Variants in RALGDS observed in about 807,000 individuals in gnomAD.
RALGDS encodes ral guanine nucleotide dissociation stimulator.
RALGDS carries 44 observed loss-of-function variants against 99.8 expected under a neutral mutation model. That is an observed-to-expected ratio of 0.44 (90% CI 0.35 to 0.57). The LOEUF (loss-of-function observed/expected upper bound fraction) is 0.57. Ranked by LOEUF, RALGDS falls within the 20% of genes least tolerant of loss-of-function variation. The pLI, the probability that RALGDS is intolerant of heterozygous loss-of-function variation, is 0.01. For synonymous variants in RALGDS, 529 were observed against 505.0 expected (o/e 1.05, Z -0.64); for missense variants, 1,022 against 1,203.1 (o/e 0.85, Z 2.23).
At position 133,107,249 on chromosome 9, in the gene RALGDS, G is replaced by A; in HGVS notation, c.1249C>T (p.Gln417Ter). The A allele has an allele frequency of 6.2e-7, 1 of 1,613,808 alleles. No homozygotes were observed. Among genetic ancestry groups the A allele is most frequent in the Non-Finnish European group, 8.5e-7 (1 of 1,180,022 alleles). Reference sequence around the variant, plus strand: ...TGCTCCTTGCCCTTCTTGTCCCGCTGGGACCAGATGGAGCCCAGGCAGTGG... The same window carrying A: ...TGCTCCTTGCCCTTCTTGTCCCGCTAGGACCAGATGGAGCCCAGGCAGTGG... The part of the protein sequence containing the change: ...PYHCLGSIWS[Q>*]RDKKGKEHLA... Residue 417 changes from glutamine (Q) to a stop codon, truncating the protein, a stop_gained, in exon 7 of 18, where the codon CAG becomes TAG. Transcript: ENST00000372050. LOFTEE classifies it high-confidence loss of function.
chr9:133,127,655 C>T (rs528612328), intron 1 of RALGDS, among the ~76,000 whole-genome samples: 13 of 152,218 alleles, frequency 8.5e-5, no homozygotes, highest in Non-Finnish European at 1.8e-4. Flanking sequence ...GCACAGCGGG[C>T]GGGCCTGGCT....
intron 1 of RALGDS, among the ~76,000 whole-genome samples, chr9:133,115,644 G>A (rs1205116182): frequency 6.6e-6 from 1 of 152,236 alleles, no homozygotes; most frequent in Non-Finnish European, 1.5e-5. Context: ...AACAGTGGGG[G>A]TCAAGAGAGA....
At chr9:133,134,544 C>G (rs752787132), upstream of RALGDS, among the ~76,000 whole-genome samples, 1 of 152,220 alleles carries the variant, frequency 6.6e-6, no homozygotes, top group Non-Finnish European at 1.5e-5. Context: ...AGTGCCAAGG[C>G]AGGGTGTAAG....
chr9:133,098,761 C>T lies in RALGDS; in HGVS notation c.2571G>A (p.Lys857=), dbSNP rs745365387. ...ELLQILSDDR[K]LKIPENANVF... ...CGTTGGCGTTTTCAGGGATCTTCAGCTCTGGTGGGGAGGGGCAGAGGGGTG... is the reference window on the plus strand; with the variant it reads ...CGTTGGCGTTTTCAGGGATCTTCAGTTCTGGTGGGGAGGGGCAGAGGGGTG... Residue 857 remains lysine, a splice_region_variant and synonymous_variant, in exon 18 of 18, where the codon AAG becomes AAA. Transcript: ENST00000372050. 9 of 1,613,910 alleles carry T rather than the reference C, an allele frequency of 5.6e-6. No individual in the cohort carries two copies. The highest frequency in any genetic ancestry group is 7.6e-6 in the Non-Finnish European group (9 of 1,179,950).
At chr9:133,103,162 G>A (rs1455890427) in intron 12 of RALGDS, 68 bp downstream of exon 12, 3 of 1,578,902 alleles carry the variant, frequency 1.9e-6, no homozygotes, top group African/African-American at 2.7e-5. Context: ...GGTAGGAGTT[G>A]AAATGTCCTA....
At position 133,101,515 on chromosome 9, in the gene RALGDS, C is replaced by T; in HGVS notation, c.2454+5G>A. 1 of 1,611,666 alleles carries T rather than the reference C, an allele frequency of 6.2e-7. No homozygotes were observed. The highest frequency in any genetic ancestry group is 8.5e-7 in the Non-Finnish European group (1 of 1,179,904). On this transcript the variant is annotated splice_donor_5th_base_variant and intron_variant, in intron 16 of 17. Transcript: ENST00000372050. Reference sequence around the variant, plus strand: ...GAGGCACCCAGGCCACCCCCGCCGGCTTACCAGGATGCTCTTGTACATGTT... The same window carrying T: ...GAGGCACCCAGGCCACCCCCGCCGGTTTACCAGGATGCTCTTGTACATGTT...
chr9:133,145,588 C>T (rs938956599), intron 1 of RALGDS, among the ~76,000 whole-genome samples: 4 of 152,254 alleles, frequency 2.6e-5, no homozygotes, highest in African/African-American at 9.6e-5. Flanking sequence ...AGACAAGGGG[C>T]ACTTCCAGGT....
In RALGDS at chr9:133,108,791, G is replaced by T. The variant is rs1408470551; in HGVS notation, c.660C>A (p.Cys220Ter). The change falls in exon 5 of 18, where the codon TGC becomes TGA. Residue 220 changes from cysteine to a stop codon, truncating the protein, a stop_gained. Coordinates refer to ENST00000372050, the MANE Select transcript of RALGDS (RefSeq NM_006266.4). LOFTEE classifies it high-confidence loss of function. ...GCACGTAGGCCACCAGCTGCTTGAG[G>T]CAGGGAAAGTCCGGAGGTTGACAGA... ...EDFCQPPDFP[C>*]LKQLVAYVQL... The T allele has an allele frequency of 6.2e-7, 1 of 1,613,576 alleles. No individual in the cohort carries two copies. Among genetic ancestry groups the T allele is most frequent in the Non-Finnish European group, 8.5e-7 (1 of 1,180,002 alleles).
intron 1 of RALGDS, among the ~76,000 whole-genome samples, chr9:133,142,726 T>C (rs1306946242): frequency 6.6e-6 from 1 of 152,208 alleles, no homozygotes; most frequent in Non-Finnish European, 1.5e-5. Context: ...AAGGCCTTCA[T>C]TAGAGCAGGG....
intron 1 of RALGDS, among the ~76,000 whole-genome samples, chr9:133,139,431 C>T (rs1832483363): frequency 6.6e-6 from 1 of 152,182 alleles, no homozygotes; most frequent in Admixed American, 6.5e-5. Flanking sequence ...GTGCCGCCAG[C>T]TGAGACCTTC....
At chr9:133,107,538 A>C (rs639827) in intron 6 of RALGDS, among the ~76,000 whole-genome samples, 28 of 148,632 alleles carry the variant, frequency 1.9e-4, no homozygotes, top group East Asian at 6.0e-4. Context: ...CCCACCCCCC[A>C]TCCCCCCGCC....
chr9:133,148,729 C>A (rs1028131884), intron 1 of RALGDS, among the ~76,000 whole-genome samples: 1 of 152,228 alleles, frequency 6.6e-6, no homozygotes, highest in African/African-American at 2.4e-5. Context: ...GCCTAAGAGG[C>A]CGGAACCCTC....
intron 17 of RALGDS, 113 bp from the exon 18 acceptor site, chr9:133,098,875 C>T: frequency 9.7e-7 from 1 of 1,030,000 alleles, no homozygotes; most frequent in Admixed American, 2.0e-5. Flanking sequence ...CCTCAGATCC[C>T]CTCCAATACA....
intron 1 of RALGDS, among the ~76,000 whole-genome samples, chr9:133,130,051 C>A (rs1009433404): frequency 6.6e-6 from 1 of 151,916 alleles, no homozygotes; most frequent in Non-Finnish European, 1.5e-5. Context: ...CGGCTCACTG[C>A]ACCTCTGCCT....
chr9:133,109,510 G>A, intron 4 of RALGDS, 116 bp downstream of exon 4: 1 of 924,922 alleles, frequency 1.1e-6, no homozygotes, highest in South Asian at 1.3e-5. Flanking sequence ...GGAACCACAA[G>A]AGGTGTGGGA....
Position 133,103,810 on chromosome 9 carries a change from G to T in RALGDS, c.1695C>A (p.Pro565=). 2.5e-6 allele frequency: 4 copies of T among 1,613,290 alleles called. No individual in the cohort carries two copies. Among genetic ancestry groups the T allele is most frequent in the Non-Finnish European group, 3.4e-6 (4 of 1,179,926 alleles). The change falls in exon 11 of 18, where the codon CCC becomes CCA. Residue 565 remains proline, a synonymous_variant. Coordinates refer to ENST00000372050, the MANE Select transcript of RALGDS (RefSeq NM_006266.4). Reference sequence around the variant, plus strand: ...GGTCGGTGAGGAACGTGCCCAGGTAGGGAACGGTGCCCTGGATGATGCCCT... The same window carrying T: ...GGTCGGTGAGGAACGTGCCCAGGTATGGAACGGTGCCCTGGATGATGCCCT... ...KETGIIQGTV[P]YLGTFLTDLV...
At chr9:133,122,079 G>A (rs1831970836), upstream of RALGDS, among the ~76,000 whole-genome samples, 1 of 152,234 alleles carries the variant, frequency 6.6e-6, no homozygotes, top group Admixed American at 6.5e-5. Flanking sequence ...TGACAACGCT[G>A]GGCAGAGCAC....
At chr9:133,111,950 C>T in intron 2 of RALGDS, 92 bp downstream of exon 2, 1 of 976,738 alleles carries the variant, frequency 1.0e-6, no homozygotes, top group Non-Finnish European at 1.6e-6. Context: ...AAGGCCGTTT[C>T]CTTTGGGATC....
At chr9:133,110,590 A>G in intron 2 of RALGDS, 101 bp from the exon 3 acceptor site, 1 of 984,438 alleles carries the variant, frequency 1.0e-6, no homozygotes, top group Non-Finnish European at 1.6e-6. Flanking sequence ...GGCAAGAGGC[A>G]GGACTGAGTA....
Sources: gnomAD v4.1 joint callset for allele counts (sites outside exome capture counted in the v4.1 genomes callset) on GRCh38, gnomAD v4.1.1 for gene constraint, MANE v1.5 for transcripts, NCBI Gene and HGNC (gene_info 2026-07-23, HGNC 2026-07-21) for gene names.